LRBA: variants seen among roughly 807,000 people sequenced by gnomAD.
LRBA encodes the protein LPS responsive beige-like anchor protein.
LRBA carries 176 observed loss-of-function variants against 330.0 expected under a neutral mutation model. The ratio of observed to expected loss-of-function variants is 0.53; its 90% confidence interval spans 0.47 to 0.60. The LOEUF (loss-of-function observed/expected upper bound fraction) is 0.60, where lower values mean the gene tolerates loss of function less well. Ranked by LOEUF, LRBA falls within the 20% of genes least tolerant of loss-of-function variation. LRBA has a pLI of 0.00. For synonymous variants in LRBA, 1,230 were observed against 1,193.0 expected (o/e 1.03, Z -0.64); for missense variants, 3,259 against 3,444.8 (o/e 0.95, Z 1.35).
At chr4:150,435,070 C>T (rs935834029) in intron 46 of LRBA, among the ~76,000 whole-genome samples, 5 of 151,866 alleles carry the variant, frequency 3.3e-5, no homozygotes, top group Admixed American at 1.3e-4. Flanking sequence ...AGAGGCCGGG[C>T]GCGGTGGCTC....
Position 150,817,186 on chromosome 4 carries a change from G to A in LRBA, c.5243C>T (p.Ala1748Val). The A allele has an allele frequency of 6.2e-7, 1 of 1,611,804 alleles. No individual in the cohort carries two copies. The highest frequency in any genetic ancestry group is 1.1e-5 in the South Asian group (1 of 91,014). The change falls in exon 31 of 57, where the codon GCT (alanine) becomes GTT (valine). Residue 1748 changes from alanine to valine, a missense_variant. Ala to Val is a moderately conservative substitution (Grantham distance 64). Transcript: ENST00000651943. ...STFNTSIPTN[A>V]VSVVSSVDSA... is the part of the protein sequence containing the mutation. ...ATCTACTGAGGAAACCACACTGACA[G>A]CATTGGTAGGTATGCTTGTATTAAA...
At chr4:150,534,616 A>C (rs1284392657) in intron 40 of LRBA, among the ~76,000 whole-genome samples, 1 of 152,112 alleles carries the variant, frequency 6.6e-6, no homozygotes, top group Non-Finnish European at 1.5e-5. Context: ...GTTTTTAGAT[A>C]CTTTTTTCCT....
chr4:150,607,081 G>GT (rs1404961815), intron 37 of LRBA, among the ~76,000 whole-genome samples: 2 of 152,202 alleles, frequency 1.3e-5, no homozygotes, highest in African/African-American at 4.8e-5. Flanking sequence ...ATTTAAGGAA[G>GT]TTTTGGTAAG....
chr4:150,597,035 G>A, intron 38 of LRBA: 1 of 939,748 alleles, frequency 1.1e-6, no homozygotes, highest in Non-Finnish European at 1.6e-6. Context: ...ACATTTTGGA[G>A]TATGACAATA....
Position 150,292,426 on chromosome 4 carries a change from A to T in LRBA, c.8018-6392T>A, listed in dbSNP as rs868813338. 1.4e-4 allele frequency among the ~76,000 whole-genome samples: 21 copies of T among 152,340 alleles called. No individual in the cohort carries two copies. The South Asian group carries it at 4.3e-3, about 32-fold the overall frequency. ...GTATAACGTTTTCACTTGTAGGTTA[A>T]ATATGTTGTTATTAGCAGAGTGAAT... On this transcript the variant is annotated intron_variant, in intron 53 of 56. Coordinates refer to ENST00000651943, the MANE Select transcript of LRBA (RefSeq NM_001364905.1).
intron 47 of LRBA, among the ~76,000 whole-genome samples, chr4:150,368,396 C>T (rs1739798239): frequency 6.6e-6 from 1 of 152,154 alleles, no homozygotes; most frequent in South Asian, 2.1e-4. Flanking sequence ...TTTATACCCA[C>T]CATATGGCAT....
intron 40 of LRBA, among the ~76,000 whole-genome samples, chr4:150,564,772 A>G (rs1768904557): frequency 1.3e-5 from 2 of 152,308 alleles, no homozygotes; most frequent in South Asian, 4.1e-4. Context: ...GCTAACAAAC[A>G]TATGAAAAGA....
intron 37 of LRBA, among the ~76,000 whole-genome samples, chr4:150,624,286 C>T (rs1017613346): frequency 7.4e-6 from 1 of 134,454 alleles, no homozygotes; most frequent in African/African-American, 2.8e-5. Flanking sequence ...CTCTGTATAA[C>T]AATGCCAAAC....
At chr4:150,282,778 T>C (rs902439581) in intron 54 of LRBA, 132 bp from the exon 55 acceptor site, 10 of 628,096 alleles carry the variant, frequency 1.6e-5, no homozygotes, top group Admixed American at 3.3e-5. Context: ...AAAACTTCCA[T>C]CTTACGTGTA....
chr4:150,351,307 T>A (rs1737119086), intron 47 of LRBA, among the ~76,000 whole-genome samples: 1 of 152,182 alleles, frequency 6.6e-6, no homozygotes, highest in South Asian at 2.1e-4. Flanking sequence ...CATTCCAACA[T>A]CAAAGTTTAG....
rs141634161 is a variant in LRBA, at chr4:150,265,684, C to T, written c.*38G>A. On this transcript the variant is annotated 3_prime_UTR_variant, in exon 57 of 57. Coordinates refer to ENST00000651943, the MANE Select transcript of LRBA (RefSeq NM_001364905.1). ...GAGAATGATGCTCCAGGTACTTCTG[C>T]TCATCCTAGGGGCAGAGTTGATGTA... The T allele has an allele frequency of 1.5e-4, 194 of 1,306,210 alleles. 2 individuals are homozygous for T. In the African/African-American group the frequency reaches 2.4e-3, roughly 16 times the overall value. The allele number at this position is 1,306,210 out of a possible 1,614,324, so 80.9% of individuals were successfully genotyped here.
intron 37 of LRBA, among the ~76,000 whole-genome samples, chr4:150,650,126 G>A (rs190652741): frequency 1.4e-4 from 21 of 152,228 alleles, no homozygotes; most frequent in Admixed American, 5.2e-4. Context: ...TAAGTGACTC[G>A]TTCAAAGTTG....
At chr4:150,784,617 C>G (rs1738763069) in intron 34 of LRBA, among the ~76,000 whole-genome samples, 1 of 152,230 alleles carries the variant, frequency 6.6e-6, no homozygotes, top group South Asian at 2.1e-4. Flanking sequence ...CCTCCAGCCT[C>G]TACATATACC....
chr4:150,381,578 GT>G (rs1742268300), intron 47 of LRBA, among the ~76,000 whole-genome samples: 1 of 152,144 alleles, frequency 6.6e-6, no homozygotes, highest in Non-Finnish European at 1.5e-5. Context: ...ACACCATATT[GT>G]GTTAATCCAT....
intron 42 of LRBA, among the ~76,000 whole-genome samples, chr4:150,480,001 AG>A (rs939814989): frequency 2.6e-5 from 4 of 152,358 alleles, no homozygotes; most frequent in Admixed American, 2.6e-4. Context: ...ACTGATCAAA[AG>A]TAGCTCAATT....
At chr4:150,865,348 T>C (rs1473515884) in intron 22 of LRBA, among the ~76,000 whole-genome samples, 1 of 152,212 alleles carries the variant, frequency 6.6e-6, no homozygotes, top group East Asian at 1.9e-4. Context: ...GGCCATGTCG[T>C]TGATGTAACA....
intron 35 of LRBA, among the ~76,000 whole-genome samples, chr4:150,747,832 T>C (rs1732962150): frequency 6.6e-6 from 1 of 152,174 alleles, no homozygotes; most frequent in Non-Finnish European, 1.5e-5. Flanking sequence ...TCCAGTTCTA[T>C]GACTTTTAAT....
chr4:150,586,693 T>G (rs1269244381), intron 40 of LRBA, among the ~76,000 whole-genome samples: 1 of 152,152 alleles, frequency 6.6e-6, no homozygotes, highest in Non-Finnish European at 1.5e-5. Flanking sequence ...GTAACTTCTC[T>G]AAAAGGAGCA....
At chr4:150,428,921 T>G (rs1220040857) in intron 46 of LRBA, among the ~76,000 whole-genome samples, 1 of 152,120 alleles carries the variant, frequency 6.6e-6, no homozygotes, top group Non-Finnish European at 1.5e-5. Context: ...CTTCCCTTGC[T>G]CAGAACCCTC....
Sources: gnomAD v4.1 joint callset for allele counts (sites outside exome capture counted in the v4.1 genomes callset) on GRCh38, gnomAD v4.1.1 for gene constraint, MANE v1.5 for transcripts, NCBI Gene and HGNC (gene_info 2026-07-23, HGNC 2026-07-21) for gene names.